Variants in FOXP2 observed in about 807,000 individuals in gnomAD.
The protein encoded by FOXP2 is forkhead box P2.
In FOXP2, 12 loss-of-function variants were observed where a neutral mutation model predicts 115.8. The observed-to-expected ratio is 0.10, with a 90% CI of 0.07 to 0.17. FOXP2 has a LOEUF of 0.17. Among genes scored for constraint, FOXP2 ranks in the 10% least tolerant of loss-of-function variants. The pLI is 1.00. For missense variants in FOXP2, 629 were observed against 843.5 expected (o/e 0.75, Z 3.15); for synonymous variants, 328 against 297.7 (o/e 1.10, Z -1.05).
chr7:114,688,224 CA>C (rs1808473355), intron 16 of FOXP2, among the ~76,000 whole-genome samples: 1 of 115,442 alleles, frequency 8.7e-6, no homozygotes, highest in Non-Finnish European at 2.1e-5. Flanking sequence ...CACACACACA[CA>C]CACACACACA....
chr7:114,501,210 C>A (rs1797554010), intron 2 of FOXP2, among the ~76,000 whole-genome samples: 1 of 152,104 alleles, frequency 6.6e-6, no homozygotes, highest in Non-Finnish European at 1.5e-5. Context: ...TAAACATCAT[C>A]CAATTTATTA....
rs139733897 is a variant in FOXP2 at position 114,500,941 on chromosome 7, CATTCT to C, written c.169-33668_169-33664del. Among the ~76,000 whole-genome samples, 27 of 152,126 alleles carry C rather than the reference CATTCT, an allele frequency of 1.8e-4. No homozygotes were observed. The East Asian group carries it at 4.4e-3, about 25-fold the overall frequency. ...TATCACATTTATCAGTTTTTTTATC[CATTCT>C]ATTCTATAAATGCATATCACAACTC... On this transcript the variant is annotated intron_variant, in intron 2 of 16. Transcript: ENST00000350908.
intron 1 of FOXP2, among the ~76,000 whole-genome samples, chr7:114,226,771 C>T (rs1584559666): frequency 6.6e-6 from 1 of 152,072 alleles, no homozygotes; most frequent in Non-Finnish European, 1.5e-5. Flanking sequence ...TAATCATTCT[C>T]TTTGTTATTT....
chr7:114,537,809 A>G (rs1180326595), intron 3 of FOXP2, among the ~76,000 whole-genome samples: 3 of 151,654 alleles, frequency 2.0e-5, no homozygotes, highest in Non-Finnish European at 4.4e-5. Flanking sequence ...TGAAACACCA[A>G]TTGAATAGGT....
intron 16 of FOXP2, chr7:114,667,827 T>C (rs1221569362): frequency 6.6e-6 from 1 of 152,056 alleles, no homozygotes; most frequent in Non-Finnish European, 1.5e-5. Flanking sequence ...TTAATGAAAC[T>C]CATGTATAGG....
At chr7:114,441,387 A>G (rs1376408820) in intron 2 of FOXP2, among the ~76,000 whole-genome samples, 1 of 152,074 alleles carries the variant, frequency 6.6e-6, no homozygotes, top group Non-Finnish European at 1.5e-5. Context: ...CAAGAGGCGG[A>G]GGTTGCAATA....
Position 114,690,064 on chromosome 7 carries a change from A to G in FOXP2, c.*138A>G, listed in dbSNP as rs781537009. On this transcript the variant is annotated 3_prime_UTR_variant, in exon 17 of 17. Coordinates refer to ENST00000350908, the MANE Select transcript of FOXP2 (RefSeq NM_014491.4). ...AAAGGAGACAGCCCTAAAGGAACTT[A>G]CTAAGCCAGCCCTTTGGGATTCAGT... 68 of 1,023,796 alleles carry G rather than the reference A, an allele frequency of 6.6e-5. 4 individuals carry two copies. The South Asian group carries it at 8.8e-4, about 13-fold the overall frequency. 63.4% of individuals were successfully genotyped at this position (1,023,796 alleles called of 1,614,324 possible).
At chr7:114,290,126 A>C (rs1796558029) in intron 2 of FOXP2, among the ~76,000 whole-genome samples, 1 of 151,964 alleles carries the variant, frequency 6.6e-6, no homozygotes, top group East Asian at 1.9e-4. Context: ...CTATTTTCAA[A>C]AAATACTGGA....
At chr7:114,516,994 T>C (rs989610786) in intron 2 of FOXP2, among the ~76,000 whole-genome samples, 1 of 152,048 alleles carries the variant, frequency 6.6e-6, no homozygotes, top group African/African-American at 2.4e-5. Flanking sequence ...GTGCCTGACC[T>C]TTGTCTTTTA....
intron 1 of FOXP2, among the ~76,000 whole-genome samples, chr7:114,102,732 A>ACACACACACACACACACACACACACACC (rs757957770): frequency 1.4e-5 from 2 of 146,084 alleles, no homozygotes; most frequent in African/African-American, 5.0e-5. Flanking sequence ...ACACACACAC[A>ACACACACACACACACACACACACACACC]CCCCAATGGT....
intron 3 of FOXP2, among the ~76,000 whole-genome samples, chr7:114,542,234 T>C (rs1173889199): frequency 1.3e-5 from 2 of 152,154 alleles, no homozygotes; most frequent in Non-Finnish European, 2.9e-5. Context: ...TATTGCTGTC[T>C]CTTTGGTCCC....
At chr7:114,153,963 A>T (rs1491000242) in intron 1 of FOXP2, among the ~76,000 whole-genome samples, 3 of 152,128 alleles carry the variant, frequency 2.0e-5, no homozygotes, top group Non-Finnish European at 4.4e-5. Flanking sequence ...AAGGCAGCAG[A>T]TGGAAGCATG....
intron 2 of FOXP2, among the ~76,000 whole-genome samples, chr7:114,517,101 G>A (rs931088068): frequency 1.3e-5 from 2 of 151,904 alleles, no homozygotes; most frequent in African/African-American, 2.4e-5. Flanking sequence ...CTGATGATGA[G>A]TGATGTTGAG....
chr7:114,261,540 A>T (rs1226164617), intron 1 of FOXP2, among the ~76,000 whole-genome samples: 1 of 152,206 alleles, frequency 6.6e-6, no homozygotes, highest in Non-Finnish European at 1.5e-5. Flanking sequence ...AACTGTCTTT[A>T]GAGTCAGAAA....
At chr7:114,280,198 G>A (rs1796296151) in intron 1 of FOXP2, among the ~76,000 whole-genome samples, 1 of 151,912 alleles carries the variant, frequency 6.6e-6, no homozygotes, top group African/African-American at 2.4e-5. Flanking sequence ...CTGAGCACAT[G>A]CCCCCGTAGA....
intron 11 of FOXP2, 69 bp downstream of exon 11, chr7:114,658,336 C>T (rs1344777440): frequency 5.5e-6 from 8 of 1,464,064 alleles, no homozygotes; most frequent in Middle Eastern, 3.5e-4. Context: ...ATCAACTGTA[C>T]ATGAGCCATT....
At chr7:114,412,606 C>T (rs944277455), upstream of FOXP2, among the ~76,000 whole-genome samples, 6 of 152,010 alleles carry the variant, frequency 3.9e-5, no homozygotes, top group Admixed American at 3.3e-4. Context: ...TTATTTAGGC[C>T]TGAACTGAAG....
At chr7:114,471,813 A>G (rs1319354546) in intron 2 of FOXP2, among the ~76,000 whole-genome samples, 1 of 151,360 alleles carries the variant, frequency 6.6e-6, no homozygotes, top group African/African-American at 2.4e-5. Flanking sequence ...AAAAAAAATT[A>G]GCTGGGCATG....
rs558090696 is a variant in FOXP2, at chr7:114,551,307, TC to T, written c.258+16603del. Among the ~76,000 whole-genome samples, 145 of 152,296 alleles carry T rather than the reference TC, an allele frequency of 9.5e-4. 2 individuals carry two copies. The South Asian group carries it at 0.014, about 14-fold the overall frequency. On this transcript the variant is annotated intron_variant, in intron 3 of 16. Coordinates refer to ENST00000350908, the MANE Select transcript of FOXP2 (RefSeq NM_014491.4). ...CATAGGGGATTCAAAGATGTTCCTA[TC>T]CTCAGGGAGTTGACAATCTGGCTAG... is the stretch of plus-strand genomic sequence containing the variant.
Sources: gnomAD v4.1 joint callset for allele counts (sites outside exome capture counted in the v4.1 genomes callset) on GRCh38, gnomAD v4.1.1 for gene constraint, MANE v1.5 for transcripts, NCBI Gene and HGNC (gene_info 2026-07-23, HGNC 2026-07-21) for gene names.